The following LARGE1 variants were observed in gnomAD, a reference collection of about 807,000 sequenced individuals.
The protein encoded by LARGE1 is xylosyl- and glucuronyltransferase LARGE1.
LARGE1 carries 43 observed loss-of-function variants against 87.6 expected under a neutral mutation model. The observed-to-expected ratio is 0.49, with a 90% confidence interval of 0.38 to 0.63. LARGE1 has a LOEUF of 0.63. Among genes scored for constraint, LARGE1 ranks in the 30% least tolerant of loss-of-function variants. The probability of loss-of-function intolerance (pLI) is 0.00; values close to 1 mark genes in which losing one functional copy is unlikely to be tolerated. For synonymous variants in LARGE1, 434 were observed against 394.6 expected (o/e 1.10, Z -1.18); for missense variants, 802 against 1,000.2 (o/e 0.80, Z 2.67).
chr22:33,449,099 T>G lies in LARGE1; in HGVS notation c.788-16834A>C, dbSNP rs149538926. ...GTATTAATACTGCCTTCCTTTTTAC[T>G]GCTGAGTGGTATTTCCAAGTATGGA... On this transcript the variant is annotated intron_variant, in intron 6 of 14. Coordinates refer to ENST00000397394, the MANE Select transcript of LARGE1 (RefSeq NM_133642.5). Among the ~76,000 whole-genome samples, 711 of 152,330 alleles carry G rather than the reference T, an allele frequency of 4.7e-3. 2 individuals are homozygous for G. The highest frequency in any genetic ancestry group is 7.7e-3 in the Non-Finnish European group (527 of 68,028).
At chr22:33,841,763 G>A (rs1260034561) in intron 1 of LARGE1, among the ~76,000 whole-genome samples, 1 of 152,164 alleles carries the variant, frequency 6.6e-6, no homozygotes, top group African/African-American at 2.4e-5. Context: ...GGGTCTCCCT[G>A]GGAAAACTAA....
At chr22:33,283,004 A>G (rs765054783) in intron 13 of LARGE1, among the ~76,000 whole-genome samples, 198 bp downstream of exon 13, 134 of 152,334 alleles carry the variant, frequency 8.8e-4, no homozygotes, top group Non-Finnish European at 8.4e-4. Context: ...CCATGCACAA[A>G]AAAGTACATG....
intron 5 of LARGE1, among the ~76,000 whole-genome samples, chr22:33,603,105 A>G (rs181770496): frequency 6.6e-6 from 1 of 152,244 alleles, no homozygotes; most frequent in East Asian, 1.9e-4. Context: ...TGGCACGCAA[A>G]TTACCAAGAC....
chr22:33,613,555 C>T (rs941695717), intron 4 of LARGE1, among the ~76,000 whole-genome samples: 14 of 152,098 alleles, frequency 9.2e-5, no homozygotes, highest in Admixed American at 2.0e-4. Flanking sequence ...TGCAATGGCG[C>T]GATCTTGGCT....
intron 2 of LARGE1, among the ~76,000 whole-genome samples, chr22:33,706,893 G>C (rs910823081): frequency 6.6e-6 from 1 of 152,202 alleles, no homozygotes; most frequent in Non-Finnish European, 1.5e-5. Flanking sequence ...AGTCCAGTGA[G>C]ACTGATTTTG....
intron 1 of LARGE1, among the ~76,000 whole-genome samples, chr22:33,915,808 C>T (rs954436948): frequency 6.6e-6 from 1 of 152,134 alleles, no homozygotes; most frequent in African/African-American, 2.4e-5. Flanking sequence ...TTTCCCTCTT[C>T]GGGCACATCC....
intron 1 of LARGE1, among the ~76,000 whole-genome samples, chr22:33,861,002 G>A (rs2063903869): frequency 6.6e-6 from 1 of 152,176 alleles, no homozygotes; most frequent in African/African-American, 2.4e-5. Context: ...ACTGTCGCTA[G>A]AGAGATTTCA....
chr22:33,626,382 G>C (rs2079922897), intron 3 of LARGE1, 56 bp from the exon 4 acceptor site: 3 of 1,388,646 alleles, frequency 2.2e-6, no homozygotes, highest in Non-Finnish European at 3.1e-6. Flanking sequence ...AGGCCTTCCT[G>C]GTGCTTCAGA....
the LARGE1 span, among the ~76,000 whole-genome samples, chr22:33,120,375 TTTC>T: frequency 7.8e-6 from 1 of 128,772 alleles, no homozygotes; most frequent in Non-Finnish European, 1.7e-5. Context: ...TCTTTCTTTC[TTTC>T]TTTCTTTCTT....
At chr22:33,352,809 C>A (rs141004519) in intron 9 of LARGE1, among the ~76,000 whole-genome samples, 1,597 of 152,150 alleles carry the variant, frequency 0.01, 30 homozygotes, top group African/African-American at 0.037. Flanking sequence ...AAATTGAAAC[C>A]GAATGACAGA....
At chr22:33,616,092 A>C (rs1190038158) in intron 4 of LARGE1, among the ~76,000 whole-genome samples, 1 of 152,244 alleles carries the variant, frequency 6.6e-6, no homozygotes, top group Non-Finnish European at 1.5e-5. Flanking sequence ...TGGTAGGAGA[A>C]ACAGTTTGGC....
At chr22:33,464,913 AT>A (rs2068539663) in intron 6 of LARGE1, among the ~76,000 whole-genome samples, 4 of 150,960 alleles carry the variant, frequency 2.6e-5, no homozygotes, top group African/African-American at 9.8e-5. Flanking sequence ...ACACATACAC[AT>A]GCACACATAC....
At chr22:33,398,228 A>G (rs746077125) in intron 7 of LARGE1, among the ~76,000 whole-genome samples, 1 of 152,078 alleles carries the variant, frequency 6.6e-6, no homozygotes, top group Admixed American at 6.5e-5. Context: ...GAAAAAAAAA[A>G]ACCTCAAAGA....
chr22:33,418,415 G>T (rs935032101), intron 7 of LARGE1, among the ~76,000 whole-genome samples: 1 of 152,184 alleles, frequency 6.6e-6, no homozygotes, highest in Admixed American at 6.5e-5. Flanking sequence ...TAGGATGGGG[G>T]TGGGGGATTC....
At chr22:33,365,037 GTTGTACTTATTTTTATGTTTTTATT>G (rs1569097313) in intron 9 of LARGE1, among the ~76,000 whole-genome samples, 2 of 152,030 alleles carry the variant, frequency 1.3e-5, no homozygotes, top group Non-Finnish European at 2.9e-5. Context: ...AAAGTTTTTA[GTTGTACTTATTTTTATGTTTTTATT>G]TTTGATATAA....
intron 7 of LARGE1, among the ~76,000 whole-genome samples, chr22:33,425,121 G>A (rs1043666173): frequency 6.6e-5 from 10 of 152,042 alleles, no homozygotes; most frequent in Non-Finnish European, 4.4e-5. Flanking sequence ...AATTAGCCAG[G>A]TGTGGTGGCG....
chr22:33,172,389 C>T (rs5998776), intron 11 of LARGE1, among the ~76,000 whole-genome samples: 282 of 152,168 alleles, frequency 1.9e-3, no homozygotes, highest in African/African-American at 6.5e-3. Flanking sequence ...ATGCTGTTCT[C>T]GTGACAGTGA....
At chr22:33,623,613 G>T (rs2079824011) in intron 4 of LARGE1, among the ~76,000 whole-genome samples, 1 of 151,358 alleles carries the variant, frequency 6.6e-6, no homozygotes, top group Non-Finnish European at 1.5e-5. Flanking sequence ...AACCGTACAG[G>T]TCAGCCCAGT....
intron 12 of LARGE1, among the ~76,000 whole-genome samples, chr22:33,287,073 C>T (rs913027122): frequency 6.6e-6 from 1 of 152,218 alleles, no homozygotes; most frequent in Admixed American, 6.5e-5. Flanking sequence ...ACAGACCATG[C>T]TCTAAAGACT....
Sources: allele counts gnomAD v4.1 joint callset (sites outside exome capture counted in the v4.1 genomes callset), GRCh38; gene constraint gnomAD v4.1.1; transcripts MANE v1.5; gene names NCBI Gene and HGNC (gene_info 2026-07-23, HGNC 2026-07-21).